Variants in MXD1 observed in about 807,000 individuals in gnomAD.
MXD1 encodes the protein MAX-binding protein.
In MXD1, 9 loss-of-function variants were observed where a neutral mutation model predicts 25.7. The observed-to-expected ratio is 0.35, with a 90% CI of 0.21 to 0.61. The LOEUF is 0.61. Ranked by LOEUF, MXD1 falls within the 20% of genes least tolerant of loss-of-function variation. The pLI is 0.75. For missense variants in MXD1, 227 were observed against 292.4 expected (o/e 0.78, Z 1.63); for synonymous variants, 99 against 113.9 (o/e 0.87, Z 0.83).
chr2:69,920,545 G>A (rs1427676937), intron 2 of MXD1, among the ~76,000 whole-genome samples: 2 of 150,166 alleles, frequency 1.3e-5, no homozygotes, highest in African/African-American at 4.8e-5. Context: ...TCTCTGATGA[G>A]TGAACTTGAT....
At chr2:69,933,742 T>C (rs1449189167) in intron 3 of MXD1, among the ~76,000 whole-genome samples, 3 of 152,264 alleles carry the variant, frequency 2.0e-5, no homozygotes, top group Non-Finnish European at 4.4e-5. Flanking sequence ...ATTAATATCA[T>C]GCATATTCAC....
intron 3 of MXD1, among the ~76,000 whole-genome samples, chr2:69,926,281 CT>C (rs1393162246): frequency 6.6e-6 from 1 of 151,118 alleles, no homozygotes; most frequent in East Asian, 1.9e-4. Flanking sequence ...TAGACTTATT[CT>C]TCCAGTCCAT....
In MXD1 at chr2:69,935,331, C is replaced by T; in HGVS notation, c.204-20C>T. 5.7e-6 allele frequency: 9 copies of T among 1,574,168 alleles called. No homozygotes were observed. Among genetic ancestry groups the T allele is most frequent in the Non-Finnish European group, 7.9e-6 (9 of 1,143,964 alleles). ...CCCACTGTGAAACTCTCAAATGCTA[C>T]TGTGGTCTTGTTTTCATAGACGGGC... On this transcript the variant is annotated intron_variant, in intron 3 of 5. Transcript: ENST00000264444.
rs111426254 is a variant in MXD1 at position 69,919,965 on chromosome 2, C to A, written c.174-1771C>A. ...TGCTGAGATTACAGGTCTGAGCCACCATGCCTGACCATTTTAAAGTTTTGT... is the reference window on the plus strand; with the variant it reads ...TGCTGAGATTACAGGTCTGAGCCACAATGCCTGACCATTTTAAAGTTTTGT... On this transcript the variant is annotated intron_variant, in intron 2 of 5. Coordinates refer to ENST00000264444, the MANE Select transcript of MXD1 (RefSeq NM_002357.4). Among the ~76,000 whole-genome samples the A allele has an allele frequency of 3.6e-3, 550 of 151,872 alleles. 3 individuals are homozygous for A. Among genetic ancestry groups the A allele is most frequent in the African/African-American group, 0.013 (527 of 41,366 alleles).
intron 3 of MXD1, among the ~76,000 whole-genome samples, chr2:69,925,508 C>T (rs973425790): frequency 6.6e-6 from 1 of 152,048 alleles, no homozygotes; most frequent in African/African-American, 2.4e-5. Context: ...TCAGAGGTAA[C>T]ACCTGCTAAC....
chr2:69,928,428 C>T (rs1156771120), intron 3 of MXD1, among the ~76,000 whole-genome samples: 1 of 152,156 alleles, frequency 6.6e-6, no homozygotes, highest in Non-Finnish European at 1.5e-5. Context: ...AGAGCCCATT[C>T]TATAACTTTA....
chr2:69,932,653 T>C (rs1677317487), intron 3 of MXD1, among the ~76,000 whole-genome samples: 3 of 152,210 alleles, frequency 2.0e-5, no homozygotes, highest in Non-Finnish European at 4.4e-5. Flanking sequence ...GAGTGTTCTT[T>C]GGAAACCCAC....
rs1677578539 is a variant in MXD1 at position 69,940,842 on chromosome 2, C to T, written c.*2558C>T. 6.6e-6 allele frequency: 1 copy of T among 152,664 alleles called. No individual in the cohort carries two copies. The highest frequency in any genetic ancestry group is 6.5e-5 in the Admixed American group (1 of 15,280). The allele number at this position is 152,664 out of a possible 1,614,324, so 9.5% of individuals were successfully genotyped here. On this transcript the variant is annotated 3_prime_UTR_variant, in exon 6 of 6. Coordinates refer to ENST00000264444, the MANE Select transcript of MXD1 (RefSeq NM_002357.4). Reference sequence around the variant, plus strand: ...CTGTAATCTTCAGGACCAGCAAACTCAGCCCAAGGCAGCTAATCCCCCCAA... The same window carrying T: ...CTGTAATCTTCAGGACCAGCAAACTTAGCCCAAGGCAGCTAATCCCCCCAA...
chr2:69,931,758 A>G (rs773949679), intron 3 of MXD1, among the ~76,000 whole-genome samples: 3 of 152,216 alleles, frequency 2.0e-5, no homozygotes, highest in Non-Finnish European at 2.9e-5. Context: ...TAGTTCAAAG[A>G]TTGGTTTCTT....
intron 3 of MXD1, among the ~76,000 whole-genome samples, chr2:69,922,547 A>C (rs1677086567): frequency 6.6e-6 from 1 of 152,192 alleles, no homozygotes; most frequent in African/African-American, 2.4e-5. Flanking sequence ...ACAAAGGTTT[A>C]TTTCTGCTGA....
intron 3 of MXD1, among the ~76,000 whole-genome samples, chr2:69,926,028 G>T (rs1677162745): frequency 6.6e-6 from 1 of 152,108 alleles, no homozygotes; most frequent in South Asian, 2.1e-4. Flanking sequence ...TTGACTCTGT[G>T]TGTCTCTTTG....
intron 2 of MXD1, among the ~76,000 whole-genome samples, chr2:69,918,465 G>T (rs150478056): frequency 1.3e-5 from 2 of 152,284 alleles, no homozygotes; most frequent in African/African-American, 4.8e-5. Context: ...CTGGAATATG[G>T]GAAGATGGAA....
rs1677504458 is a variant in MXD1, at chr2:69,938,201, C to G, written c.583C>G (p.Leu195Val). Residue 195 changes from leucine to valine, a missense_variant, in exon 6 of 6, where the codon CTC (leucine) becomes GTC (valine). Physicochemically the swap from Leu to Val is conservative, Grantham distance 32. Transcript: ENST00000264444. ...DSDERGSMQS[L>V]GSDEGYSSTS... ...TGACGAGCGGGGCAGCATGCAGAGC[C>G]TCGGCAGTGATGAGGGCTATTCCAG... 9 of 1,614,206 alleles carry G rather than the reference C, an allele frequency of 5.6e-6. No homozygotes were observed. Among genetic ancestry groups the G allele is most frequent in the Non-Finnish European group, 7.6e-6 (9 of 1,180,040 alleles).
chr2:69,936,480 C>A (rs150174979), intron 4 of MXD1, among the ~76,000 whole-genome samples: 1 of 152,192 alleles, frequency 6.6e-6, no homozygotes, highest in African/African-American at 2.4e-5. Flanking sequence ...AGCCAAAATC[C>A]CTGTTTAGCA....
At chr2:69,935,287 C>T (rs1247191268) in intron 3 of MXD1, 64 bp from the exon 4 acceptor site, 2 of 1,173,168 alleles carry the variant, frequency 1.7e-6, no homozygotes, top group African/African-American at 1.5e-5. Context: ...AGAACTCATT[C>T]TGCCTGGGGT....
intron 2 of MXD1, chr2:69,916,546 T>C (rs190834679): frequency 3.4e-4 from 66 of 191,708 alleles, no homozygotes; most frequent in African/African-American, 1.4e-3. Context: ...CCTTCAGAAG[T>C]TGCAGATTCA....
intron 2 of MXD1, among the ~76,000 whole-genome samples, chr2:69,918,072 A>G (rs1676993581): frequency 1.3e-5 from 2 of 152,214 alleles, no homozygotes; most frequent in Admixed American, 1.3e-4. Flanking sequence ...CTCATTTGGA[A>G]TAGCTCCTTT....
chr2:69,915,223 CAGCGGGCTCCACAGCGGGCTCCAT>C lies in MXD1; in HGVS notation c.-90_-67del, dbSNP rs750129317. ...CCTCAGCCCTGCTCCGCGGGGTCCACAGCGGGCTCCACAGCGGGCTCCATAGCGGGCTCCACAGCGGTCCGGCGG... is the reference window on the plus strand; with the variant it reads ...CCTCAGCCCTGCTCCGCGGGGTCCACAGCGGGCTCCACAGCGGTCCGGCGG... On this transcript the variant is annotated 5_prime_UTR_variant, in exon 1 of 6. Coordinates refer to ENST00000264444, the MANE Select transcript of MXD1 (RefSeq NM_002357.4). This position sits in a 1 kb window ranked among gnomAD's most constrained non-coding sequence, Gnocchi z 5.8. 1.4e-4 allele frequency: 148 copies of C among 1,035,202 alleles called. No homozygotes were observed. Among genetic ancestry groups the C allele is most frequent in the Middle Eastern group, 3.3e-4 (1 of 2,992 alleles). 64.1% of individuals were successfully genotyped at this position (1,035,202 alleles called of 1,614,324 possible).
chr2:69,917,195 A>G (rs2104156826), intron 2 of MXD1, among the ~76,000 whole-genome samples: 1 of 152,322 alleles, frequency 6.6e-6, no homozygotes, highest in South Asian at 2.1e-4. Context: ...ACTTAAACCT[A>G]AAAATCACTT....
Sources: gnomAD v4.1 joint callset for allele counts (sites outside exome capture counted in the v4.1 genomes callset) on GRCh38, gnomAD v4.1.1 for gene constraint, Gnocchi (gnomAD v3.1) non-coding constraint, MANE v1.5 for transcripts, NCBI Gene and HGNC (gene_info 2026-07-23, HGNC 2026-07-21) for gene names.